The following MYT1L variants were observed in gnomAD, a reference collection of about 807,000 sequenced individuals.
The protein encoded by MYT1L is myelin transcription factor 1-like protein.
Under a neutral mutation model 126.7 loss-of-function variants are expected in MYT1L, and 12 were observed. The observed-to-expected ratio is 0.09, with a 90% CI of 0.06 to 0.15. The LOEUF (loss-of-function observed/expected upper bound fraction) is 0.15, where lower values mean the gene tolerates loss of function less well. Among genes scored for constraint, MYT1L ranks in the 10% least tolerant of loss-of-function variants. The pLI, the probability that MYT1L is intolerant of heterozygous loss-of-function variation, is 1.00. For missense variants in MYT1L, 979 were observed against 1,585.2 expected, an observed-to-expected ratio of 0.62 and a Z score of 6.49; for synonymous variants, 541 against 604.2, an observed-to-expected ratio of 0.90 and a Z score of 1.53.
intron 3 of MYT1L, among the ~76,000 whole-genome samples, chr2:2,136,363 C>T (rs542508413): frequency 9.2e-5 from 14 of 152,252 alleles, no homozygotes; most frequent in African/African-American, 3.1e-4. Flanking sequence ...CGCTCCTCAC[C>T]GACAAGATCA....
intron 3 of MYT1L, among the ~76,000 whole-genome samples, chr2:2,163,938 A>C (rs2148457557): frequency 6.6e-6 from 1 of 152,266 alleles, no homozygotes; most frequent in African/African-American, 2.4e-5. Context: ...ATTGAGAGAA[A>C]TAATTTTTTT....
chr2:1,802,260 C>T (rs1258240407), intron 22 of MYT1L, among the ~76,000 whole-genome samples: 2 of 152,130 alleles, frequency 1.3e-5, no homozygotes, highest in African/African-American at 4.8e-5. Context: ...GCCAGGTCCT[C>T]CCGCCCTCAC....
chr2:2,042,889 C>G (rs77028058), intron 4 of MYT1L, among the ~76,000 whole-genome samples: 1,967 of 152,308 alleles, frequency 0.013, 40 homozygotes, highest in African/African-American at 0.045. Flanking sequence ...TCTGCCCTTC[C>G]CCCCTGCTCT....
chr2:1,940,270 T>C (rs1401215499), intron 9 of MYT1L, among the ~76,000 whole-genome samples: 1 of 148,452 alleles, frequency 6.7e-6, no homozygotes, highest in Non-Finnish European at 1.5e-5. Context: ...AGGTAGGTTA[T>C]CTCTCAACAT....
At chr2:2,190,222 T>G (rs957622439) in intron 2 of MYT1L, among the ~76,000 whole-genome samples, 1 of 152,142 alleles carries the variant, frequency 6.6e-6, no homozygotes, top group Non-Finnish European at 1.5e-5. Flanking sequence ...TCTGGGAGGA[T>G]GAGGCAGGCA....
At chr2:2,214,496 G>A (rs576641875) in intron 2 of MYT1L, among the ~76,000 whole-genome samples, 1 of 152,154 alleles carries the variant, frequency 6.6e-6, no homozygotes, top group South Asian at 2.1e-4. Context: ...AGGTGTGAAG[G>A]ATCAAAGATA....
At chr2:2,118,013 C>G (rs1204902462) in intron 3 of MYT1L, among the ~76,000 whole-genome samples, 1 of 151,304 alleles carries the variant, frequency 6.6e-6, no homozygotes, top group Non-Finnish European at 1.5e-5. Context: ...TACTCACATG[C>G]CCACACTATA....
chr2:1,827,133 G>A (rs1046208403), intron 21 of MYT1L: 5 of 152,424 alleles, frequency 3.3e-5, no homozygotes, highest in African/African-American at 1.2e-4. Context: ...TCCCTGAGGT[G>A]GTGACCTGGC....
At chr2:2,055,275 G>A (rs931751685) in intron 3 of MYT1L, among the ~76,000 whole-genome samples, 3 of 152,182 alleles carry the variant, frequency 2.0e-5, no homozygotes, top group Non-Finnish European at 2.9e-5. Context: ...GGGTTGTCAT[G>A]TGTGTTTGTA....
intron 9 of MYT1L, among the ~76,000 whole-genome samples, chr2:1,931,034 T>C (rs987235987): frequency 6.6e-6 from 1 of 152,216 alleles, no homozygotes; most frequent in Non-Finnish European, 1.5e-5. Flanking sequence ...TTTTGGAGAT[T>C]GTGCAGGTCC....
At chr2:1,805,610 G>A (rs1293310231) in intron 22 of MYT1L, among the ~76,000 whole-genome samples, 3 of 152,186 alleles carry the variant, frequency 2.0e-5, no homozygotes, top group African/African-American at 7.2e-5. Context: ...TTAAGGCCAG[G>A]CATAGTGGCT....
chr2:1,935,714 T>C (rs2055786975), intron 9 of MYT1L, among the ~76,000 whole-genome samples: 2 of 152,190 alleles, frequency 1.3e-5, no homozygotes, highest in African/African-American at 2.4e-5. Context: ...ACACACCTCA[T>C]TCCTCAACTC....
rs761051636 is a variant in MYT1L at position 2,224,750 on chromosome 2, C to T, written c.-420-51762G>A. Among the ~76,000 whole-genome samples the T allele has an allele frequency of 1.3e-4, 19 of 151,482 alleles. No homozygotes were observed. Among genetic ancestry groups the T allele is most frequent in the Admixed American group, 5.9e-4 (9 of 15,222 alleles). On this transcript the variant is annotated intron_variant, in intron 2 of 24. Transcript: ENST00000647738. This position sits in a 1 kb window ranked among gnomAD's most constrained non-coding sequence, Gnocchi z 4.0. Reference sequence around the variant, plus strand: ...AGGAGAATGACATGAACCCGGGAGGCGGAGCTTGCAGGGAGCTGAGATTGA... The same window carrying T: ...AGGAGAATGACATGAACCCGGGAGGTGGAGCTTGCAGGGAGCTGAGATTGA...
At chr2:2,296,452 T>C (rs1458360511) in intron 1 of MYT1L, among the ~76,000 whole-genome samples, 1 of 152,200 alleles carries the variant, frequency 6.6e-6, no homozygotes, top group Non-Finnish European at 1.5e-5. Flanking sequence ...AATTAAAAAA[T>C]ATAAACAAAA....
rs555029544 is a variant in MYT1L at position 2,180,208 on chromosome 2, C to T, written c.-420-7220G>A. 3.2e-4 allele frequency among the ~76,000 whole-genome samples: 49 copies of T among 152,244 alleles called. 1 individual carries two copies. Among genetic ancestry groups the T allele is most frequent in the Admixed American group, 6.5e-4 (10 of 15,282 alleles). ...ACAATAATGATAATAGAGTTCACTT[C>T]ACCCTCCTTCCAAGCCCCCCAAGGA... is the stretch of plus-strand genomic sequence containing the variant. On this transcript the variant is annotated intron_variant, in intron 2 of 24. Coordinates refer to ENST00000647738, the MANE Select transcript of MYT1L (RefSeq NM_001303052.2).
intron 4 of MYT1L, among the ~76,000 whole-genome samples, chr2:2,019,620 T>C (rs370814105): frequency 1.3e-5 from 2 of 152,236 alleles, no homozygotes; most frequent in Non-Finnish European, 1.5e-5. Flanking sequence ...ATCCATGTCA[T>C]TCTCTGCCAT....
At chr2:1,972,262 T>A (rs1313361423) in intron 8 of MYT1L, among the ~76,000 whole-genome samples, 1 of 152,176 alleles carries the variant, frequency 6.6e-6, no homozygotes, top group Non-Finnish European at 1.5e-5. Context: ...CGCACCCAAG[T>A]GGATCTTCAT....
intron 2 of MYT1L, among the ~76,000 whole-genome samples, chr2:2,185,716 G>A (rs1294144192): frequency 7.4e-6 from 1 of 135,292 alleles, no homozygotes; most frequent in Non-Finnish European, 1.6e-5. Flanking sequence ...CCCGAGTCCC[G>A]CGTTCCTTAC....
chr2:2,042,620 T>C (rs964424272), intron 4 of MYT1L, among the ~76,000 whole-genome samples: 1 of 152,042 alleles, frequency 6.6e-6, no homozygotes, highest in African/African-American at 2.4e-5. Context: ...GGTCTCACCA[T>C]TGGCAGAAAT....
Sources: allele counts gnomAD v4.1 joint callset (sites outside exome capture counted in the v4.1 genomes callset), GRCh38; gene constraint gnomAD v4.1.1; non-coding constraint Gnocchi (gnomAD v3.1); transcripts MANE v1.5; gene names NCBI Gene and HGNC (gene_info 2026-07-23, HGNC 2026-07-21).